The following PDE3A variants were observed in gnomAD, a reference collection of about 807,000 sequenced individuals.
The protein encoded by PDE3A is phosphodiesterase 3A.
Under a neutral mutation model 98.3 loss-of-function variants are expected in PDE3A, and 43 were observed. The ratio of observed to expected loss-of-function variants is 0.44; its 90% CI spans 0.34 to 0.56. The LOEUF (loss-of-function observed/expected upper bound fraction) is 0.56. Among genes scored for constraint, PDE3A ranks in the 20% least tolerant of loss-of-function variants. The pLI, the probability that PDE3A is intolerant of heterozygous loss-of-function variation, is 0.01. For missense variants in PDE3A, 1,427 were observed against 1,440.7 expected, an observed-to-expected ratio of 0.99 and a Z score of 0.15; for synonymous variants, 663 against 567.9, an observed-to-expected ratio of 1.17 and a Z score of -2.38.
Position 20,688,562 on chromosome 12 carries a change from A to C in PDE3A, c.*8291A>C, listed in dbSNP as rs1946045673. On this transcript the variant is annotated 3_prime_UTR_variant, in exon 16 of 16. Transcript: ENST00000359062. ...ATGTTATGAGTGAAGATAATGTATA[A>C]TATAAAAATAATTCTGCAGTATTAT... Among the ~76,000 whole-genome samples, 1 of 151,946 alleles carries C rather than the reference A, an allele frequency of 6.6e-6. No homozygotes were observed. The highest frequency in any genetic ancestry group is 2.1e-4 in the South Asian group (1 of 4,824).
chr12:20,681,085 A>G lies in PDE3A; in HGVS notation c.*814A>G, dbSNP rs954866. ...AGCTTCAATAAAGGGCCTTTTGCTG[A>G]TGGAGGGCACTCAAGGGCTGGGTGA... On this transcript the variant is annotated 3_prime_UTR_variant, in exon 16 of 16. Transcript: ENST00000359062. 0.56 allele frequency: 84,727 copies of G among 151,856 alleles called. 24,414 individuals are homozygous for G. Among genetic ancestry groups the G allele is most frequent in the East Asian group, 0.75 (3,855 of 5,144 alleles). 9.4% of individuals were successfully genotyped at this position (151,856 alleles called of 1,614,324 possible). A position where few individuals can be genotyped will look rare whatever the true frequency, so the allele number is the denominator to read the frequency against.
intron 2 of PDE3A, among the ~76,000 whole-genome samples, chr12:20,608,049 T>C (rs1229830330): frequency 6.6e-6 from 1 of 151,650 alleles, no homozygotes. Context: ...TAAAAAACAC[T>C]ACCAAAAACC....
At chr12:20,430,886 T>C (rs1944684645) in intron 1 of PDE3A, among the ~76,000 whole-genome samples, 1 of 152,200 alleles carries the variant, frequency 6.6e-6, no homozygotes, top group Non-Finnish European at 1.5e-5. Context: ...GATAAGTTTA[T>C]TGTAAAAGCT....
At chr12:20,582,360 T>G (rs1434858252) in intron 2 of PDE3A, among the ~76,000 whole-genome samples, 1 of 152,016 alleles carries the variant, frequency 6.6e-6, no homozygotes, top group Non-Finnish European at 1.5e-5. Context: ...CTGACTATGT[T>G]TTTTGTATTT....
chr12:20,371,036 G>C (rs1334981741), intron 1 of PDE3A, among the ~76,000 whole-genome samples: 1 of 152,140 alleles, frequency 6.6e-6, no homozygotes, highest in African/African-American at 2.4e-5. Flanking sequence ...AATTCAAATG[G>C]ATTTATGCAG....
chr12:20,646,958 T>C lies in PDE3A; in HGVS notation c.2565+8T>C, dbSNP rs1944789459. On this transcript the variant is annotated splice_region_variant and intron_variant, in intron 12 of 15. Transcript: ENST00000359062. Reference sequence around the variant, plus strand: ...GCAACTAGTGCTCCTCAGGTAAATCTTTAGATTTTGGTTAGGAGAACTAAT... The same window carrying C: ...GCAACTAGTGCTCCTCAGGTAAATCCTTAGATTTTGGTTAGGAGAACTAAT... 6.2e-7 allele frequency: 1 copy of C among 1,600,150 alleles called. No individual in the cohort carries two copies. The highest frequency in any genetic ancestry group is 1.7e-5 in the Admixed American group (1 of 59,678).
chr12:20,518,002 T>C (rs1266773950), intron 1 of PDE3A, among the ~76,000 whole-genome samples: 1 of 152,272 alleles, frequency 6.6e-6, no homozygotes, highest in East Asian at 1.9e-4. Context: ...GCTATGTTCT[T>C]TTCTGGAGAC....
At chr12:20,632,356 A>G (rs1944400626) in intron 6 of PDE3A, among the ~76,000 whole-genome samples, 1 of 152,020 alleles carries the variant, frequency 6.6e-6, no homozygotes, top group African/African-American at 2.4e-5. Context: ...ACAATTCAGG[A>G]AAAAAAATGA....
intron 15 of PDE3A, among the ~76,000 whole-genome samples, chr12:20,664,403 CT>C (rs1227369385): frequency 6.6e-6 from 1 of 152,140 alleles, no homozygotes; most frequent in Non-Finnish European, 1.5e-5. Flanking sequence ...CTCTTCTAAG[CT>C]GTCTACCAGC....
At chr12:20,424,662 C>T (rs548950810) in intron 1 of PDE3A, among the ~76,000 whole-genome samples, 28 of 152,256 alleles carry the variant, frequency 1.8e-4, no homozygotes, top group Admixed American at 1.2e-3. Context: ...GCTAGGCATA[C>T]GTGTCAGAAT....
At chr12:20,593,832 C>T (rs956352519) in intron 2 of PDE3A, among the ~76,000 whole-genome samples, 2 of 151,920 alleles carry the variant, frequency 1.3e-5, no homozygotes, top group Admixed American at 1.3e-4. Flanking sequence ...AACAGATTAG[C>T]GGGTACTGTA....
intron 2 of PDE3A, 57 bp downstream of exon 2, chr12:20,556,767 G>A (rs1942380233): frequency 8.0e-7 from 1 of 1,246,728 alleles, no homozygotes; most frequent in Non-Finnish European, 1.2e-6. Flanking sequence ...TTCAGCCACG[G>A]GTTTTCTAAA....
chr12:20,545,062 G>A (rs961397045), intron 1 of PDE3A, among the ~76,000 whole-genome samples: 1 of 151,952 alleles, frequency 6.6e-6, no homozygotes, highest in Admixed American at 6.6e-5. Flanking sequence ...GAAAACTTAA[G>A]CATGAGACTG....
In PDE3A at chr12:20,687,533, T is replaced by G. The variant is rs536201205; in HGVS notation, c.*7262T>G. ...TTTCACTTATGACTGTCAGTTTATG[T>G]CTTAATGTATTCTCACAGAAGAATG... On this transcript the variant is annotated 3_prime_UTR_variant, in exon 16 of 16. Transcript: ENST00000359062. 2.6e-5 allele frequency among the ~76,000 whole-genome samples: 4 copies of G among 152,080 alleles called. No homozygotes were observed. The East Asian group carries it at 7.8e-4, about 29-fold the overall frequency.
intron 2 of PDE3A, among the ~76,000 whole-genome samples, chr12:20,596,625 C>A (rs908601218): frequency 1.3e-5 from 2 of 152,114 alleles, no homozygotes; most frequent in Non-Finnish European, 2.9e-5. Flanking sequence ...CCTTCCGGGG[C>A]AAACCATATG....
chr12:20,671,296 C>A (rs1311298762), intron 15 of PDE3A, among the ~76,000 whole-genome samples: 1 of 150,888 alleles, frequency 6.6e-6, no homozygotes, highest in African/African-American at 2.5e-5. Context: ...ACCATTCCTT[C>A]TGAAACTATT....
intron 1 of PDE3A, among the ~76,000 whole-genome samples, chr12:20,515,270 A>G (rs1174707937): frequency 6.6e-6 from 1 of 152,252 alleles, no homozygotes; most frequent in Non-Finnish European, 1.5e-5. Flanking sequence ...TGCCTGGCAT[A>G]TAGTAGATAC....
At chr12:20,473,392 T>C (rs1218641083) in intron 1 of PDE3A, among the ~76,000 whole-genome samples, 2 of 152,144 alleles carry the variant, frequency 1.3e-5, no homozygotes, top group Admixed American at 6.5e-5. Context: ...GAATCTGTAT[T>C]TTCAACATGT....
chr12:20,517,218 C>A (rs1053754466), intron 1 of PDE3A, among the ~76,000 whole-genome samples: 3 of 152,140 alleles, frequency 2.0e-5, no homozygotes, highest in African/African-American at 7.2e-5. Context: ...TCATTAGTGC[C>A]TACACCCATT....
Sources: gnomAD v4.1 joint callset for allele counts (sites outside exome capture counted in the v4.1 genomes callset) on GRCh38, gnomAD v4.1.1 for gene constraint, MANE v1.5 for transcripts, NCBI Gene and HGNC (gene_info 2026-07-23, HGNC 2026-07-21) for gene names.